WRN: variants seen among roughly 807,000 people sequenced by gnomAD.
WRN encodes bifunctional 3'-5' exonuclease/ATP-dependent helicase WRN.
A neutral mutation model predicts 180.7 loss-of-function variants in WRN; 149 were observed. That is an observed-to-expected ratio of 0.82 (90% confidence interval 0.72 to 0.94). WRN has a LOEUF of 0.94. Among genes scored for constraint, WRN ranks in the 40% least tolerant of loss-of-function variants. The probability of loss-of-function intolerance (pLI) is 0.00; values close to 1 mark genes in which losing one functional copy is unlikely to be tolerated. For missense variants in WRN, 1,661 were observed against 1,700.1 expected (o/e 0.98, Z 0.40); for synonymous variants, 548 against 568.9 (o/e 0.96, Z 0.52).
At position 31,120,427 on chromosome 8, in the gene WRN, A is replaced by G. The variant is rs1224754548; in HGVS notation, c.2630+3A>G. On this transcript the variant is annotated splice_donor_region_variant and intron_variant, in intron 21 of 34. Transcript: ENST00000298139. ...CCTGCAGACATTAACTTAAATAGGT[A>G]AAAAAAATTTATTGTTTTTACTCTT... 2.5e-6 allele frequency: 4 copies of G among 1,609,320 alleles called. No individual in the cohort carries two copies. The highest frequency in any genetic ancestry group is 3.4e-6 in the Non-Finnish European group (4 of 1,177,358).
chr8:31,060,915 A>G lies in WRN; in HGVS notation c.209+1650A>G, dbSNP rs117220011. The stretch of plus-strand genomic sequence containing the variant: ...AAATTTTTGCTACCACAGGTTTCCA[A>G]CAATTTGATTATGATGTGCCCTTGT... On this transcript the variant is annotated intron_variant, in intron 3 of 34. Transcript: ENST00000298139. Among the ~76,000 whole-genome samples, 734 of 152,314 alleles carry G rather than the reference A, an allele frequency of 4.8e-3. 2 individuals carry two copies. Among genetic ancestry groups the G allele is most frequent in the Middle Eastern group, 0.014 (4 of 294 alleles).
chr8:31,115,363 T>C (rs1801480164), intron 19 of WRN, among the ~76,000 whole-genome samples: 2 of 152,276 alleles, frequency 1.3e-5, no homozygotes, highest in Non-Finnish European at 2.9e-5. Flanking sequence ...TTTCCTCTGC[T>C]TAAGTTTTCA....
chr8:31,139,001 T>C (rs1802503966), intron 24 of WRN, among the ~76,000 whole-genome samples: 2 of 152,186 alleles, frequency 1.3e-5, no homozygotes, highest in African/African-American at 2.4e-5. Context: ...ATATTTATGA[T>C]GTGATTTATT....
intron 18 of WRN, among the ~76,000 whole-genome samples, chr8:31,104,167 G>A (rs79965154): frequency 0.023 from 3,458 of 152,312 alleles, 60 homozygotes; most frequent in Middle Eastern, 0.068. Flanking sequence ...CAAAGTGGCT[G>A]TAGCATTCTA....
rs992835810 is a variant in WRN at position 31,155,801 on chromosome 8, G to T, written c.3819+1046G>T. On this transcript the variant is annotated intron_variant, in intron 32 of 34. Transcript: ENST00000298139. Reference sequence around the variant, plus strand: ...CATCCTGTTGACATTAAGTTGATTTGGAACAAGTGATATGGTCCAATGCCT... The same window carrying T: ...CATCCTGTTGACATTAAGTTGATTTTGAACAAGTGATATGGTCCAATGCCT... Among the ~76,000 whole-genome samples, 6 of 152,030 alleles carry T rather than the reference G, an allele frequency of 3.9e-5. No individual in the cohort carries two copies. The East Asian group carries it at 1.2e-3, about 29-fold the overall frequency.
intron 21 of WRN, 93 bp downstream of exon 21, chr8:31,120,517 A>G: frequency 7.9e-7 from 1 of 1,266,922 alleles, no homozygotes; most frequent in Non-Finnish European, 1.1e-6. Flanking sequence ...CAGTATCCCA[A>G]GTAATTTGTG....
At chr8:31,168,109 C>A (rs1214338253) in intron 34 of WRN, among the ~76,000 whole-genome samples, 1 of 151,972 alleles carries the variant, frequency 6.6e-6, no homozygotes, top group Non-Finnish European at 1.5e-5. Flanking sequence ...GGGAACTGAT[C>A]TTTTTAAATT....
At chr8:31,143,028 C>CAT (rs33974299) in intron 27 of WRN, among the ~76,000 whole-genome samples, 2 of 70,868 alleles carry the variant, frequency 2.8e-5, no homozygotes. Context: ...ATTAAAGACA[C>CAT]ACACACACAC....
intron 3 of WRN, among the ~76,000 whole-genome samples, chr8:31,063,926 T>C (rs185717935): frequency 1.4e-4 from 22 of 152,198 alleles, no homozygotes; most frequent in Admixed American, 1.4e-3. Context: ...CATGCTGTGT[T>C]GCACAGGTTG....
rs1813592748 is a variant in WRN at position 31,087,833 on chromosome 8, A to G, written c.1489A>G (p.Met497Val). 2 of 1,613,840 alleles carry G rather than the reference A, an allele frequency of 1.2e-6. No homozygotes were observed. The highest frequency in any genetic ancestry group is 1.7e-6 in the Non-Finnish European group (2 of 1,179,850). ...ACCAACTCATTCTAAATGCTTAAAA[A>G]TGGAAAGAAATCTGGGTCTTCCTAC... is the stretch of plus-strand genomic sequence containing the variant. ...VEPTHSKCLK[M>V]ERNLGLPTKE... Residue 497 changes from methionine to valine, a missense_variant, in exon 12 of 35, where the codon ATG becomes GTG. Coordinates refer to ENST00000298139, the MANE Select transcript of WRN (RefSeq NM_000553.6).
At chr8:31,084,804 G>A (rs1166765916) in intron 10 of WRN, among the ~76,000 whole-genome samples, 1 of 152,144 alleles carries the variant, frequency 6.6e-6, no homozygotes, top group Non-Finnish European at 1.5e-5. Flanking sequence ...TCTTTGTACA[G>A]CATTTTTCAA....
chr8:31,112,373 G>A (rs898438174), intron 19 of WRN, among the ~76,000 whole-genome samples: 2 of 152,194 alleles, frequency 1.3e-5, no homozygotes, highest in Non-Finnish European at 2.9e-5. Context: ...TACAAACACA[G>A]TGGAGCCTGT....
In WRN at chr8:31,143,636, A is replaced by G. The variant is rs1415386179; in HGVS notation, c.3383+13A>G. The G allele has an allele frequency of 3.2e-6, 5 of 1,554,566 alleles. No homozygotes were observed. The highest frequency in any genetic ancestry group is 2.3e-5 in the East Asian group (1 of 44,344). ...TTTCTAAAAAAAGGTACAGAGTTCC[A>G]TATTTCTATGTTCTATACTTGCTTT... On this transcript the variant is annotated intron_variant, in intron 28 of 34. Transcript: ENST00000298139.
intron 3 of WRN, among the ~76,000 whole-genome samples, chr8:31,060,664 C>A (rs1812455150): frequency 6.6e-6 from 1 of 152,132 alleles, no homozygotes; most frequent in African/African-American, 2.4e-5. Flanking sequence ...GTTATCTGGC[C>A]ACTTTGGGAC....
At chr8:31,046,351 G>A (rs1448412986) in intron 1 of WRN, among the ~76,000 whole-genome samples, 1 of 152,102 alleles carries the variant, frequency 6.6e-6, no homozygotes, top group Non-Finnish European at 1.5e-5. Flanking sequence ...GTTAGTGATA[G>A]CAATCAGACT....
chr8:31,163,182 C>T (rs934669810), intron 33 of WRN, among the ~76,000 whole-genome samples: 3 of 152,198 alleles, frequency 2.0e-5, no homozygotes, highest in African/African-American at 7.2e-5. Flanking sequence ...AATGGACATT[C>T]TAACATCACT....
Position 31,173,362 on chromosome 8 carries a change from C to A in WRN, c.*260C>A. 1 of 464,546 alleles carries A rather than the reference C, an allele frequency of 2.2e-6. No individual in the cohort carries two copies. Among genetic ancestry groups the A allele is most frequent in the Non-Finnish European group, 3.9e-6 (1 of 257,678 alleles). The allele number at this position is 464,546 out of a possible 1,614,324, so 28.8% of individuals were successfully genotyped here. On this transcript the variant is annotated 3_prime_UTR_variant, in exon 35 of 35. Coordinates refer to ENST00000298139, the MANE Select transcript of WRN (RefSeq NM_000553.6). ...GTAAGATTGCTTTAAGAAACTGTTACTGTCCTGTTTTCTAATCTCTTTATT... is the reference window on the plus strand; with the variant it reads ...GTAAGATTGCTTTAAGAAACTGTTAATGTCCTGTTTTCTAATCTCTTTATT...
intron 31 of WRN, among the ~76,000 whole-genome samples, chr8:31,152,231 T>C (rs763035130): frequency 1.3e-5 from 2 of 151,886 alleles, no homozygotes; most frequent in Non-Finnish European, 2.9e-5. Flanking sequence ...CTCGGGAGGC[T>C]GAGGCAGGAG....
At chr8:31,152,661 A>G (rs1803184250) in intron 31 of WRN, among the ~76,000 whole-genome samples, 1 of 152,210 alleles carries the variant, frequency 6.6e-6, no homozygotes, top group African/African-American at 2.4e-5. Context: ...ATTTTTGCTA[A>G]CTAGATTTGA....
Sources: gnomAD v4.1 joint callset for allele counts (sites outside exome capture counted in the v4.1 genomes callset) on GRCh38, gnomAD v4.1.1 for gene constraint, MANE v1.5 for transcripts, NCBI Gene and HGNC (gene_info 2026-07-23, HGNC 2026-07-21) for gene names.